Variants in ZFHX4 observed in about 807,000 individuals in gnomAD.
ZFHX4 encodes zinc finger homeobox protein 4.
ZFHX4 carries 56 observed loss-of-function variants against 267.6 expected under a neutral mutation model. The observed-to-expected ratio is 0.21, with a 90% CI of 0.17 to 0.26. The LOEUF (loss-of-function observed/expected upper bound fraction) is 0.26, where lower values mean the gene tolerates loss of function less well. ZFHX4 is among the 10% of genes least tolerant of loss of function. The pLI is 1.00. For missense variants in ZFHX4, 4,332 were observed against 4,420.0 expected, an observed-to-expected ratio of 0.98 and a Z score of 0.56; for synonymous variants, 1,778 against 1,665.6, an observed-to-expected ratio of 1.07 and a Z score of -1.64.
chr8:76,717,789 G>A (rs1257900006), intron 3 of ZFHX4, among the ~76,000 whole-genome samples: 3 of 151,978 alleles, frequency 2.0e-5, no homozygotes, highest in Admixed American at 2.0e-4. Flanking sequence ...GAGAAACGAG[G>A]TTTCGCTATG....
chr8:76,703,899 A>G (rs1563469266), intron 1 of ZFHX4, 144 bp from the exon 2 acceptor site: 1 of 618,368 alleles, frequency 1.6e-6, no homozygotes, highest in Non-Finnish European at 2.8e-6. Flanking sequence ...TCCGTCTGTG[A>G]TAGATAGGCA....
intron 4 of ZFHX4, among the ~76,000 whole-genome samples, chr8:76,794,496 C>T (rs947579140): frequency 1.3e-5 from 2 of 152,098 alleles, no homozygotes; most frequent in Non-Finnish European, 2.9e-5. Context: ...GGCAACATAT[C>T]CCCCTGTTGT....
At chr8:76,720,970 T>C (rs1452455840) in intron 3 of ZFHX4, among the ~76,000 whole-genome samples, 1 of 152,116 alleles carries the variant, frequency 6.6e-6, no homozygotes, top group Non-Finnish European at 1.5e-5. Context: ...CGTTGTTAAA[T>C]AGAACACTTT....
chr8:76,778,735 T>A (rs766981734), intron 4 of ZFHX4, among the ~76,000 whole-genome samples: 1 of 152,228 alleles, frequency 6.6e-6, no homozygotes, highest in Non-Finnish European at 1.5e-5. Context: ...CCCCCCAGAG[T>A]GAGCTTTAAT....
At chr8:76,859,815 T>A (rs993725080) in intron 10 of ZFHX4, among the ~76,000 whole-genome samples, 2 of 152,094 alleles carry the variant, frequency 1.3e-5, no homozygotes, top group African/African-American at 2.4e-5. Flanking sequence ...TTGAGGGACC[T>A]CAGTCAAAGA....
intron 1 of ZFHX4, among the ~76,000 whole-genome samples, chr8:76,681,849 CT>C (rs373030839): frequency 2.6e-5 from 4 of 151,758 alleles, no homozygotes; most frequent in African/African-American, 4.8e-5. Flanking sequence ...TCTCTTTCCC[CT>C]TTTTTTTGGC....
At chr8:76,803,263 C>CGT (rs112457236) in intron 4 of ZFHX4, among the ~76,000 whole-genome samples, 4,641 of 147,496 alleles carry the variant, frequency 0.031, 84 homozygotes, top group Non-Finnish European at 0.045. Flanking sequence ...CGCGTGTGTG[C>CGT]GTGTGTGTGT....
chr8:76,691,076 T>C (rs1807812318), intron 1 of ZFHX4, among the ~76,000 whole-genome samples: 1 of 152,048 alleles, frequency 6.6e-6, no homozygotes. Flanking sequence ...CTAGGACCAG[T>C]GGTCACTCAA....
intron 3 of ZFHX4, among the ~76,000 whole-genome samples, chr8:76,713,181 A>G (rs917890441): frequency 6.6e-6 from 1 of 152,186 alleles, no homozygotes; most frequent in Non-Finnish European, 1.5e-5. Context: ...TTCACATGTC[A>G]AGTAATATAT....
At chr8:76,827,229 A>T (rs796759355) in intron 4 of ZFHX4, among the ~76,000 whole-genome samples, 14 of 152,352 alleles carry the variant, frequency 9.2e-5, no homozygotes, top group African/African-American at 3.1e-4. Flanking sequence ...CAAGGAGCAC[A>T]CGACCTAGAT....
chr8:76,835,048 T>C (rs2131895043), intron 5 of ZFHX4, among the ~76,000 whole-genome samples: 1 of 151,126 alleles, frequency 6.6e-6, no homozygotes, highest in Non-Finnish European at 1.5e-5. Flanking sequence ...CTATGAAACT[T>C]CACCTAAATT....
Position 76,864,194 on chromosome 8 carries a change from G to A in ZFHX4, c.10480G>A (p.Val3494Ile). The A allele has an allele frequency of 1.2e-6, 2 of 1,613,902 alleles. No individual in the cohort carries two copies. The highest frequency in any genetic ancestry group is 1.7e-6 in the Non-Finnish European group (2 of 1,179,846). ...GCATGTTAGATTATTACCTCACTCAGTCTGCTCCCCTAATCCTAACACCAC... is the reference window on the plus strand; with the variant it reads ...GCATGTTAGATTATTACCTCACTCAATCTGCTCCCCTAATCCTAACACCAC... Reference protein sequence around the residue: ...KEHVRLLPHSVCSPNPNTTST... With the variant: ...KEHVRLLPHSICSPNPNTTST... The change falls in exon 11 of 11, where the codon GTC becomes ATC. Residue 3494 changes from valine (V) to isoleucine (I), a missense_variant. Coordinates refer to ENST00000651372, the MANE Select transcript of ZFHX4 (RefSeq NM_024721.5).
intron 1 of ZFHX4, among the ~76,000 whole-genome samples, chr8:76,700,342 C>G (rs1220160441): frequency 2.8e-4 from 42 of 152,142 alleles, no homozygotes; most frequent in Admixed American, 2.4e-3. Context: ...ATTCTTTCCT[C>G]TTGATCAGAT....
chr8:76,822,316 G>C (rs1305903211), intron 4 of ZFHX4, among the ~76,000 whole-genome samples: 1 of 152,022 alleles, frequency 6.6e-6, no homozygotes, highest in Non-Finnish European at 1.5e-5. Context: ...CTTGGTCCAA[G>C]ACACCATCAT....
At chr8:76,836,276 G>A (rs1229361621) in intron 5 of ZFHX4, among the ~76,000 whole-genome samples, 1 of 152,118 alleles carries the variant, frequency 6.6e-6, no homozygotes, top group Admixed American at 6.6e-5. Flanking sequence ...CTTTCAAACA[G>A]CATCAGTGCA....
intron 5 of ZFHX4, 65 bp from the exon 6 acceptor site, chr8:76,842,590 G>A: frequency 8.2e-7 from 1 of 1,221,856 alleles, no homozygotes; most frequent in East Asian, 2.6e-5. Flanking sequence ...TGGCCACCTA[G>A]TTTATTTCAG....
intron 4 of ZFHX4, among the ~76,000 whole-genome samples, chr8:76,806,476 T>A (rs1230402084): frequency 6.6e-6 from 1 of 152,100 alleles, no homozygotes; most frequent in Non-Finnish European, 1.5e-5. Flanking sequence ...TATTAGCAAA[T>A]AATTTTTTAA....
At chr8:76,825,588 G>T (rs1245418529) in intron 4 of ZFHX4, among the ~76,000 whole-genome samples, 2 of 152,180 alleles carry the variant, frequency 1.3e-5, no homozygotes, top group Non-Finnish European at 2.9e-5. Flanking sequence ...CAAGCAAAAA[G>T]AATAAATCTC....
intron 3 of ZFHX4, among the ~76,000 whole-genome samples, chr8:76,773,422 T>G (rs1312216217): frequency 6.6e-6 from 1 of 152,158 alleles, no homozygotes; most frequent in East Asian, 1.9e-4. Context: ...GTTTGTTCAG[T>G]GTTAAGTTTA....
Sources: allele counts gnomAD v4.1 joint callset (sites outside exome capture counted in the v4.1 genomes callset), GRCh38; gene constraint gnomAD v4.1.1; transcripts MANE v1.5; gene names NCBI Gene and HGNC (gene_info 2026-07-23, HGNC 2026-07-21).